Variants in PIR observed in about 807,000 individuals in gnomAD.
PIR encodes pirin (iron-binding nuclear protein).
Under a neutral mutation model 24.2 loss-of-function variants are expected in PIR, and 22 were observed. That is an observed-to-expected ratio of 0.91 (90% confidence interval 0.65 to 1.30). PIR has a LOEUF of 1.30. Ranked by LOEUF, PIR falls within the 50% of genes most tolerant of loss-of-function variation. The pLI is 0.00. For synonymous variants in PIR, 80 were observed against 79.6 expected (o/e 1.00, Z -0.03); for missense variants, 220 against 220.3 (o/e 1.00, Z 0.01).
At chrX:15,488,922 T>C (rs1024165189) in intron 2 of PIR, among the ~76,000 whole-genome samples, 2 of 112,002 alleles carry the variant, frequency 1.8e-5, no homozygotes, top group African/African-American at 6.5e-5. Flanking sequence ...TTTTTTTTAT[T>C]GTGGTAAAAT....
At chrX:15,395,523 C>T (rs143347375) in intron 8 of PIR, among the ~76,000 whole-genome samples, 2,223 of 111,900 alleles carry the variant, frequency 0.02, 61 homozygotes, top group African/African-American at 0.068. Flanking sequence ...ATTTACTGAC[C>T]CCCATGCTCA....
At chrX:15,389,958 C>T (rs1174618983) in intron 9 of PIR, 1 of 243,844 alleles carries the variant, frequency 4.1e-6, no homozygotes, top group Middle Eastern at 1.2e-3. Flanking sequence ...ACTCAATATC[C>T]TATACATAAT....
chrX:15,409,535 T>C (rs1351302488), intron 6 of PIR, among the ~76,000 whole-genome samples: 1 of 109,515 alleles, frequency 9.1e-6, no homozygotes, highest in Non-Finnish European at 1.9e-5. Context: ...CGGGGGGAGG[T>C]CCATGGTAGA....
At chrX:15,385,774 T>C (rs768367268) in intron 9 of PIR, among the ~76,000 whole-genome samples, 1 of 112,229 alleles carries the variant, frequency 8.9e-6, no homozygotes, top group South Asian at 3.7e-4. Context: ...AAAGCAGCCA[T>C]AGATAATGCA....
intron 8 of PIR, among the ~76,000 whole-genome samples, chrX:15,397,148 A>G (rs1261065523): frequency 8.9e-6 from 1 of 112,518 alleles, no homozygotes; most frequent in Non-Finnish European, 1.9e-5. Flanking sequence ...AAAATAAATC[A>G]ATTGTATAAA....
intron 5 of PIR, among the ~76,000 whole-genome samples, chrX:15,433,724 A>G (rs1436072919): frequency 1.3e-4 from 4 of 30,491 alleles, no homozygotes; most frequent in Middle Eastern, 0.043. Context: ...GAGGAGGAGG[A>G]AGGAGAAAGA....
chrX:15,445,310 T>C (rs1459894337), intron 5 of PIR, among the ~76,000 whole-genome samples: 2 of 111,561 alleles, frequency 1.8e-5, no homozygotes, highest in African/African-American at 3.3e-5. Context: ...CCTTCCATAA[T>C]GTTAAAAACG....
intron 8 of PIR, among the ~76,000 whole-genome samples, chrX:15,395,474 A>G (rs1161706502): frequency 8.9e-6 from 1 of 112,129 alleles, no homozygotes; most frequent in East Asian, 2.8e-4. Flanking sequence ...GTCCAATAAA[A>G]CTTTATGAAA....
Position 15,403,668 on chromosome X carries a change from G to A in PIR, c.610+3838C>T, listed in dbSNP as rs186378219. On this transcript the variant is annotated intron_variant, in intron 7 of 9. Transcript: ENST00000380420. ...GAACTTTTTGCCTTAGCAAAAGATTGTTGTCAAAGGTCTCTCCCTCTATTG... is the reference window on the plus strand; with the variant it reads ...GAACTTTTTGCCTTAGCAAAAGATTATTGTCAAAGGTCTCTCCCTCTATTG... Among the ~76,000 whole-genome samples, 7 of 110,599 alleles carry A rather than the reference G, an allele frequency of 6.3e-5. No individual in the cohort carries two copies. In the South Asian group the frequency reaches 1.1e-3, roughly 18 times the overall value.
At chrX:15,388,953 C>T (rs779953653) in intron 9 of PIR, among the ~76,000 whole-genome samples, 1 of 112,169 alleles carries the variant, frequency 8.9e-6, no homozygotes, top group Non-Finnish European at 1.9e-5. Flanking sequence ...TTTGTATGTG[C>T]AGGCATACCT....
intron 3 of PIR, among the ~76,000 whole-genome samples, chrX:15,474,086 C>A (rs916210958): frequency 4.5e-5 from 5 of 111,376 alleles, no homozygotes; most frequent in Non-Finnish European, 9.4e-5. Flanking sequence ...GTTTAACGGA[C>A]CAAGAAAAAA....
chrX:15,451,016 T>C (rs1354712427), intron 5 of PIR, among the ~76,000 whole-genome samples: 1 of 111,067 alleles, frequency 9.0e-6, no homozygotes, highest in Non-Finnish European at 1.9e-5. Context: ...GCTCTCCAAA[T>C]CACAGGGGAT....
At chrX:15,469,715 T>C (rs1921783317) in intron 3 of PIR, among the ~76,000 whole-genome samples, 1 of 111,529 alleles carries the variant, frequency 9.0e-6, no homozygotes, top group African/African-American at 3.3e-5. Context: ...GACTGAAACA[T>C]GAATTTATTA....
At chrX:15,460,311 C>A (rs1271231623) in intron 3 of PIR, among the ~76,000 whole-genome samples, 1 of 112,012 alleles carries the variant, frequency 8.9e-6, no homozygotes, top group African/African-American at 3.2e-5. Context: ...CATTGCAGCA[C>A]TATTCATAAT....
chrX:15,405,096 A>T (rs897714621), intron 7 of PIR, among the ~76,000 whole-genome samples: 1 of 111,212 alleles, frequency 9.0e-6, no homozygotes, highest in Non-Finnish European at 1.9e-5. Context: ...TCACTTGTTA[A>T]CTTCTCAGGC....
intron 5 of PIR, among the ~76,000 whole-genome samples, chrX:15,427,532 T>C (rs1925355412): frequency 9.0e-6 from 1 of 110,742 alleles, no homozygotes; most frequent in African/African-American, 3.3e-5. Context: ...TACTACTGAA[T>C]TCTCAGGGCC....
rs144430355 is a variant in PIR, at chrX:15,458,957, A to G, written c.273+700T>C. ...TTTTCTTTTGCTTTTTTGTCTTTAA[A>G]TTTCACTTTCATTGAAATATTATGA... On this transcript the variant is annotated intron_variant, in intron 4 of 9. Transcript: ENST00000380420. 6.0e-4 allele frequency among the ~76,000 whole-genome samples: 68 copies of G among 112,572 alleles called. 2 individuals are homozygous for G. In the East Asian group the frequency reaches 0.017, roughly 28 times the overall value.
At chrX:15,422,269 C>T (rs1925156898) in intron 6 of PIR, among the ~76,000 whole-genome samples, 1 of 108,412 alleles carries the variant, frequency 9.2e-6, no homozygotes, top group East Asian at 2.9e-4. Context: ...GAAAAAGATG[C>T]CCATTTTAAC....
chrX:15,478,590 C>T (rs1438640729), intron 3 of PIR: 1 of 112,185 alleles, frequency 8.9e-6, no homozygotes, highest in Non-Finnish European at 1.9e-5. Flanking sequence ...GAGAAGGGAA[C>T]TGGAAGGCGA....
Sources: allele counts gnomAD v4.1 joint callset (sites outside exome capture counted in the v4.1 genomes callset), GRCh38; gene constraint gnomAD v4.1.1; transcripts MANE v1.5; gene names NCBI Gene and HGNC (gene_info 2026-07-23, HGNC 2026-07-21).